The following RNGTT variants were observed in gnomAD, a reference collection of about 807,000 sequenced individuals.
RNGTT encodes the protein RNA guanylyltransferase and 5'-phosphatase.
A neutral mutation model predicts 79.3 loss-of-function variants in RNGTT; 33 were observed. That is an observed-to-expected ratio of 0.42 (90% CI 0.32 to 0.56). The LOEUF (loss-of-function observed/expected upper bound fraction) is 0.56, where lower values mean the gene tolerates loss of function less well. Among genes scored for constraint, RNGTT ranks in the 20% least tolerant of loss-of-function variants. The probability of loss-of-function intolerance (pLI) is 0.17; values close to 1 mark genes in which losing one functional copy is unlikely to be tolerated. For synonymous variants in RNGTT, 222 were observed against 235.9 expected (o/e 0.94, Z 0.54); for missense variants, 497 against 739.1 (o/e 0.67, Z 3.80).
intron 13 of RNGTT, among the ~76,000 whole-genome samples, chr6:88,719,008 T>C (rs1776617720): frequency 6.6e-6 from 1 of 152,124 alleles, no homozygotes; most frequent in African/African-American, 2.4e-5. Context: ...AAAATAAACA[T>C]CTAAGTAAAG....
At chr6:88,792,004 T>G (rs1387158504) in intron 12 of RNGTT, among the ~76,000 whole-genome samples, 1 of 152,238 alleles carries the variant, frequency 6.6e-6, no homozygotes, top group African/African-American at 2.4e-5. Flanking sequence ...AAATAACCAG[T>G]AGTCCTAAAA....
chr6:88,961,328 T>A (rs1241670062), intron 1 of RNGTT, among the ~76,000 whole-genome samples: 2 of 152,152 alleles, frequency 1.3e-5, no homozygotes, highest in African/African-American at 4.8e-5. Context: ...TCTGTATGTG[T>A]GTGTGTGTAT....
At chr6:88,742,739 A>G (rs1465362030) in intron 13 of RNGTT, among the ~76,000 whole-genome samples, 1 of 152,234 alleles carries the variant, frequency 6.6e-6, no homozygotes, top group Non-Finnish European at 1.5e-5. Flanking sequence ...TAACTGTTGA[A>G]GTTTGGCAGC....
intron 8 of RNGTT, among the ~76,000 whole-genome samples, chr6:88,860,133 T>C (rs1348184237): frequency 1.3e-5 from 2 of 152,172 alleles, no homozygotes; most frequent in Non-Finnish European, 2.9e-5. Context: ...ACTACGACAG[T>C]AGTAACAATA....
chr6:88,772,022 T>A (rs895227904), intron 12 of RNGTT, among the ~76,000 whole-genome samples: 3 of 151,818 alleles, frequency 2.0e-5, no homozygotes, highest in Non-Finnish European at 4.4e-5. Flanking sequence ...TACAAAAAAA[T>A]TTAATAATTA....
At chr6:88,917,706 G>C (rs1361379653) in intron 4 of RNGTT, among the ~76,000 whole-genome samples, 2 of 152,060 alleles carry the variant, frequency 1.3e-5, no homozygotes, top group Admixed American at 1.3e-4. Context: ...GGCCAACATG[G>C]AGAAACCTCA....
intron 12 of RNGTT, among the ~76,000 whole-genome samples, chr6:88,781,637 C>G (rs1009589041): frequency 6.6e-6 from 1 of 152,148 alleles, no homozygotes; most frequent in African/African-American, 2.4e-5. Flanking sequence ...ACTCCCAAAT[C>G]TTCATCTTTT....
At chr6:88,736,413 T>C (rs942015231) in intron 13 of RNGTT, among the ~76,000 whole-genome samples, 1 of 152,134 alleles carries the variant, frequency 6.6e-6, no homozygotes, top group African/African-American at 2.4e-5. Context: ...ATAAACTGAA[T>C]GTGTGCAATG....
chr6:88,953,236 A>G (rs531338303), intron 1 of RNGTT, among the ~76,000 whole-genome samples: 1 of 152,326 alleles, frequency 6.6e-6, no homozygotes, highest in Admixed American at 6.5e-5. Context: ...CAAGATATGG[A>G]TGAAAAATTC....
At chr6:88,918,767 G>T (rs1020762472) in intron 4 of RNGTT, among the ~76,000 whole-genome samples, 1 of 152,120 alleles carries the variant, frequency 6.6e-6, no homozygotes, top group African/African-American at 2.4e-5. Context: ...TTGTATTCAT[G>T]TATCTTAACC....
At chr6:88,924,318 T>C (rs186996253) in intron 4 of RNGTT, among the ~76,000 whole-genome samples, 285 of 152,296 alleles carry the variant, frequency 1.9e-3, no homozygotes, top group Middle Eastern at 6.8e-3. Flanking sequence ...GTGAGAAAAA[T>C]TTTTTTCATG....
At chr6:88,677,244 T>C (rs1774909646) in intron 14 of RNGTT, among the ~76,000 whole-genome samples, 1 of 134,152 alleles carries the variant, frequency 7.5e-6, no homozygotes, top group South Asian at 2.3e-4. Flanking sequence ...CAAATTAATC[T>C]ATAATAACAA....
chr6:88,659,995 T>C (rs1416694622), intron 14 of RNGTT, among the ~76,000 whole-genome samples: 3 of 152,208 alleles, frequency 2.0e-5, no homozygotes, highest in African/African-American at 7.2e-5. Flanking sequence ...TGGGGTCCTA[T>C]CTTTACTCTC....
intron 13 of RNGTT, among the ~76,000 whole-genome samples, chr6:88,722,057 T>C (rs1415454821): frequency 6.6e-6 from 1 of 151,580 alleles, no homozygotes; most frequent in African/African-American, 2.4e-5. Flanking sequence ...TATTAAATTA[T>C]ATACTTAAAA....
chr6:88,856,704 G>A (rs887926152), intron 8 of RNGTT, among the ~76,000 whole-genome samples: 5 of 152,098 alleles, frequency 3.3e-5, no homozygotes, highest in African/African-American at 1.2e-4. Context: ...TTGAACTCCA[G>A]TCATTCCAAA....
At position 88,922,570 on chromosome 6, in the gene RNGTT, C is replaced by CA. The variant is rs556341293; in HGVS notation, c.367+6414dup. On this transcript the variant is annotated intron_variant, in intron 4 of 15. Coordinates refer to ENST00000369485, the MANE Select transcript of RNGTT (RefSeq NM_003800.5). ...TGAGATGGAGTCTCGCTCTGTCACC[C>CA]AGGCTGGAGTGCAGTGGCGCAATCT... is the stretch of plus-strand genomic sequence containing the variant. Among the ~76,000 whole-genome samples the CA allele has an allele frequency of 2.7e-3, 413 of 152,170 alleles. 3 individuals are homozygous for CA. Among genetic ancestry groups the CA allele is most frequent in the African/African-American group, 9.6e-3 (399 of 41,486 alleles).
intron 4 of RNGTT, among the ~76,000 whole-genome samples, chr6:88,916,244 G>A (rs1025536693): frequency 1.3e-5 from 2 of 152,192 alleles, no homozygotes; most frequent in Admixed American, 6.5e-5. Flanking sequence ...AGGCCAAGGC[G>A]GGTAGATCAC....
intron 8 of RNGTT, among the ~76,000 whole-genome samples, chr6:88,859,045 G>A (rs1300965509): frequency 6.6e-6 from 1 of 151,612 alleles, no homozygotes; most frequent in Non-Finnish European, 1.5e-5. Context: ...AGGCTGGAGT[G>A]CAGTGGTGTG....
chr6:88,855,840 G>A (rs1267933754), intron 8 of RNGTT, among the ~76,000 whole-genome samples: 1 of 152,196 alleles, frequency 6.6e-6, no homozygotes, highest in South Asian at 2.1e-4. Flanking sequence ...ATTCCTGGTG[G>A]ATAGAGAGAA....
Sources: allele counts gnomAD v4.1 joint callset (sites outside exome capture counted in the v4.1 genomes callset), GRCh38; gene constraint gnomAD v4.1.1; transcripts MANE v1.5; gene names NCBI Gene and HGNC (gene_info 2026-07-23, HGNC 2026-07-21).